SLC9B1: variants seen among roughly 807,000 people sequenced by gnomAD.
The protein encoded by SLC9B1 is solute carrier family 9 member B1, also known as sodium/hydrogen exchanger 9B1.
A neutral mutation model predicts 51.7 loss-of-function variants in SLC9B1; 32 were observed. The ratio of observed to expected loss-of-function variants is 0.62; its 90% CI spans 0.47 to 0.83. The LOEUF is 0.83. Ranked by LOEUF, SLC9B1 falls within the 40% of genes least tolerant of loss-of-function variation. The pLI is 0.00. For missense variants in SLC9B1, 406 were observed against 613.2 expected, an observed-to-expected ratio of 0.66 and a Z score of 3.57; for synonymous variants, 145 against 212.7, an observed-to-expected ratio of 0.68 and a Z score of 2.77.
chr4:102,997,069 A>C (rs1456315670), intron 1 of SLC9B1, among the ~76,000 whole-genome samples: 2 of 152,096 alleles, frequency 1.3e-5, no homozygotes, highest in Admixed American at 1.3e-4. Context: ...GCTGACAGGC[A>C]TGAGCCATTG....
chr4:102,991,616 T>C, intron 2 of SLC9B1, 27 bp downstream of exon 2: 2 of 1,432,604 alleles, frequency 1.4e-6, no homozygotes, highest in Non-Finnish European at 1.9e-6. Flanking sequence ...TTATATCATA[T>C]ATTACAGTAT....
intron 1 of SLC9B1, among the ~76,000 whole-genome samples, chr4:103,004,001 T>C (rs1740659963): frequency 6.6e-6 from 1 of 152,092 alleles, no homozygotes; most frequent in Admixed American, 6.5e-5. Flanking sequence ...AGATGAGAAA[T>C]AACCAGCACA....
chr4:103,017,411 C>A (rs1741431223), intron 1 of SLC9B1, among the ~76,000 whole-genome samples: 3 of 152,170 alleles, frequency 2.0e-5, no homozygotes, highest in Admixed American at 6.5e-5. Flanking sequence ...AAATAAATTC[C>A]AAACTTATTC....
At chr4:102,908,250 A>G (rs1391681825) in intron 9 of SLC9B1, among the ~76,000 whole-genome samples, 1 of 152,286 alleles carries the variant, frequency 6.6e-6, no homozygotes, top group Non-Finnish European at 1.5e-5. Flanking sequence ...CTGAATTATT[A>G]ATGAATTGGT....
At chr4:102,929,400 A>G (rs1458769587) in intron 7 of SLC9B1, among the ~76,000 whole-genome samples, 2 of 152,266 alleles carry the variant, frequency 1.3e-5, no homozygotes. Context: ...CCTTACCTGT[A>G]AATGAGTGGT....
chr4:102,951,072 T>C (rs905641330), intron 3 of SLC9B1, among the ~76,000 whole-genome samples: 4 of 152,098 alleles, frequency 2.6e-5, no homozygotes, highest in East Asian at 1.9e-4. Context: ...TACTGACAAA[T>C]TGAGAAGACA....
At chr4:102,965,606 A>G (rs1383608748) in intron 3 of SLC9B1, among the ~76,000 whole-genome samples, 2 of 152,104 alleles carry the variant, frequency 1.3e-5, no homozygotes, top group African/African-American at 2.4e-5. Context: ...CACGGAAACC[A>G]TGGCATTCCA....
At chr4:102,965,009 A>C (rs1318966348) in intron 3 of SLC9B1, among the ~76,000 whole-genome samples, 2 of 152,078 alleles carry the variant, frequency 1.3e-5, no homozygotes, top group Admixed American at 6.6e-5. Context: ...CCACACACAC[A>C]CACCCACATA....
intron 11 of SLC9B1, among the ~76,000 whole-genome samples, chr4:102,902,063 A>C (rs1734815778): frequency 6.6e-6 from 1 of 152,168 alleles, no homozygotes; most frequent in African/African-American, 2.4e-5. Context: ...TCAGAGAATG[A>C]GTTCCTTTGA....
Position 102,989,939 on chromosome 4 carries a change from ACT to A in SLC9B1, c.70_71del (p.Leu25HisfsTer2), listed in dbSNP as rs777113165. On this transcript the variant is annotated frameshift_variant and splice_region_variant, in exon 3 of 12. Transcript: ENST00000296422. ...GTGCAGTATTATTAGGATCAATGAG[ACT>A]CTGTAGTAAAACAAGAAAATCTTTA... ...ENFQTSTTPQ[S>X]LIDPNNTAQE... is the part of the protein sequence containing the mutation. The A allele has an allele frequency of 8.3e-6, 13 of 1,574,134 alleles. No individual in the cohort carries two copies. Among genetic ancestry groups the A allele is most frequent in the Middle Eastern group, 1.7e-4 (1 of 5,990 alleles).
At chr4:102,899,092 AT>A (rs1168875133), downstream of SLC9B1, among the ~76,000 whole-genome samples, 2 of 151,204 alleles carry the variant, frequency 1.3e-5, no homozygotes, top group African/African-American at 2.4e-5. Context: ...ACTGGTTGTA[AT>A]TTTTAAATTA....
chr4:102,979,504 G>A (rs1270650667), intron 3 of SLC9B1, among the ~76,000 whole-genome samples: 2 of 152,112 alleles, frequency 1.3e-5, no homozygotes, highest in African/African-American at 2.4e-5. Flanking sequence ...AGTTAACTGC[G>A]TACTCAAAGT....
intron 3 of SLC9B1, among the ~76,000 whole-genome samples, chr4:102,966,062 C>T (rs1351307085): frequency 1.3e-5 from 2 of 152,228 alleles, no homozygotes; most frequent in African/African-American, 4.8e-5. Context: ...CACATGGCTG[C>T]TCTCACTGGT....
intron 3 of SLC9B1, among the ~76,000 whole-genome samples, chr4:102,985,446 A>G (rs1739561831): frequency 6.6e-6 from 1 of 151,962 alleles, no homozygotes; most frequent in Non-Finnish European, 1.5e-5. Flanking sequence ...ATTTTCTGTT[A>G]GCATATCAAT....
intron 3 of SLC9B1, among the ~76,000 whole-genome samples, chr4:102,965,882 A>C (rs1738399167): frequency 6.6e-6 from 1 of 152,256 alleles, no homozygotes; most frequent in Non-Finnish European, 1.5e-5. Flanking sequence ...AGGCCAAAAG[A>C]AGAAAGAGGT....
intron 7 of SLC9B1, among the ~76,000 whole-genome samples, chr4:102,931,885 T>C (rs1736477497): frequency 6.6e-6 from 1 of 152,226 alleles, no homozygotes; most frequent in African/African-American, 2.4e-5. Flanking sequence ...AGTAATAATA[T>C]GGTTTATCAA....
intron 7 of SLC9B1, among the ~76,000 whole-genome samples, chr4:102,913,008 T>C (rs1735410804): frequency 6.6e-6 from 1 of 152,092 alleles, no homozygotes; most frequent in Non-Finnish European, 1.5e-5. Flanking sequence ...CCATAAACCA[T>C]TAAGAAGCTG....
intron 7 of SLC9B1, among the ~76,000 whole-genome samples, chr4:102,925,457 C>T (rs1437947095): frequency 4.0e-5 from 6 of 151,820 alleles, no homozygotes; most frequent in African/African-American, 9.7e-5. Context: ...ATGTAAATGA[C>T]GAGTTAATGG....
At chr4:102,925,432 T>G (rs1736110775) in intron 7 of SLC9B1, among the ~76,000 whole-genome samples, 1 of 151,852 alleles carries the variant, frequency 6.6e-6, no homozygotes, top group South Asian at 2.1e-4. Flanking sequence ...GGGATAGCAT[T>G]AGGAGATATA....
Sources: allele counts gnomAD v4.1 joint callset (sites outside exome capture counted in the v4.1 genomes callset), GRCh38; gene constraint gnomAD v4.1.1; transcripts MANE v1.5; gene names NCBI Gene and HGNC (gene_info 2026-07-23, HGNC 2026-07-21).